The following CEP126 variants were observed in gnomAD, a reference collection of about 807,000 sequenced individuals.
The protein encoded by CEP126 is centrosomal protein of 126 kDa.
A neutral mutation model predicts 107.8 loss-of-function variants in CEP126; 74 were observed. That is an observed-to-expected ratio of 0.69 (90% CI 0.57 to 0.83). The LOEUF is 0.83. CEP126 is among the 40% of genes least tolerant of loss of function. The pLI, the probability that CEP126 is intolerant of heterozygous loss-of-function variation, is 0.00. For synonymous variants in CEP126, 449 were observed against 446.0 expected (o/e 1.01, Z -0.08); for missense variants, 1,237 against 1,281.9 (o/e 0.96, Z 0.53).
intron 6 of CEP126, among the ~76,000 whole-genome samples, chr11:101,970,518 C>T (rs1048389340): frequency 1.3e-5 from 2 of 149,884 alleles, no homozygotes; most frequent in African/African-American, 4.9e-5. Context: ...ATTCTCAATT[C>T]ATGCACTTTT....
At chr11:101,946,885 AAGG>A (rs1371273801) in intron 3 of CEP126, among the ~76,000 whole-genome samples, 2 of 152,196 alleles carry the variant, frequency 1.3e-5, no homozygotes, top group African/African-American at 4.8e-5. Flanking sequence ...GAGAGGCTAG[AAGG>A]AGAACAGTGC....
At chr11:101,941,273 T>G (rs1940660097) in intron 2 of CEP126, among the ~76,000 whole-genome samples, 1 of 152,194 alleles carries the variant, frequency 6.6e-6, no homozygotes, top group East Asian at 1.9e-4. Flanking sequence ...ACTGGAATTC[T>G]GTACCCATTA....
At chr11:101,958,844 C>T (rs1940934967) in intron 5 of CEP126, among the ~76,000 whole-genome samples, 1 of 152,144 alleles carries the variant, frequency 6.6e-6, no homozygotes, top group Non-Finnish European at 1.5e-5. Flanking sequence ...TAACATTGGC[C>T]TGATTCATCC....
At chr11:101,959,260 AG>A (rs757440293) in intron 5 of CEP126, among the ~76,000 whole-genome samples, 3,017 of 150,146 alleles carry the variant, frequency 0.02, 72 homozygotes, top group Non-Finnish European at 0.031. Context: ...AGGTTCAAGC[AG>A]TTCTCCTGCC....
At position 101,930,607 on chromosome 11, in the gene CEP126, G is replaced by A. The variant is rs1940484222; in HGVS notation, c.248+7847G>A. 3.3e-5 allele frequency among the ~76,000 whole-genome samples: 5 copies of A among 152,148 alleles called. No individual in the cohort carries two copies. The South Asian group carries it at 1.0e-3, about 32-fold the overall frequency. On this transcript the variant is annotated intron_variant, in intron 2 of 10. Coordinates refer to ENST00000263468, the MANE Select transcript of CEP126 (RefSeq NM_020802.4). Reference sequence around the variant, plus strand: ...CGGGTTGCCCCTGCTGGCTCTGGTGGCCAGCTTTTATCCCCTTATTTGGCC... The same window carrying A: ...CGGGTTGCCCCTGCTGGCTCTGGTGACCAGCTTTTATCCCCTTATTTGGCC...
intron 10 of CEP126, among the ~76,000 whole-genome samples, chr11:101,993,948 A>T (rs955123131): frequency 6.6e-6 from 1 of 152,076 alleles, no homozygotes; most frequent in Non-Finnish European, 1.5e-5. Context: ...GATTCTTGAT[A>T]TTAGGCCAGG....
intron 3 of CEP126, among the ~76,000 whole-genome samples, chr11:101,946,327 A>T (rs1363277608): frequency 6.6e-6 from 1 of 151,682 alleles, no homozygotes; most frequent in Non-Finnish European, 1.5e-5. Flanking sequence ...GGGCAACATG[A>T]TGAAACTCAA....
chr11:102,001,038 T>TA lies in CEP126; in HGVS notation c.*3400dup, dbSNP rs1001752593. Reference sequence around the variant, plus strand: ...ATTTCATGTAATTTACCCTTTGCAATAAAAATGATTCATTAAATATATAAC... The same window carrying TA: ...ATTTCATGTAATTTACCCTTTGCAATAAAAAATGATTCATTAAATATATAAC... On this transcript the variant is annotated 3_prime_UTR_variant, in exon 11 of 11. Coordinates refer to ENST00000263468, the MANE Select transcript of CEP126 (RefSeq NM_020802.4). 2.0e-5 allele frequency: 3 copies of TA among 152,186 alleles called. No homozygotes were observed. Among genetic ancestry groups the TA allele is most frequent in the Non-Finnish European group, 4.4e-5 (3 of 68,018 alleles). 9.4% of individuals were successfully genotyped at this position (152,186 alleles called of 1,614,324 possible).
chr11:101,981,694 A>G (rs1462732173), intron 7 of CEP126, among the ~76,000 whole-genome samples, 195 bp from the exon 8 acceptor site: 1 of 152,194 alleles, frequency 6.6e-6, no homozygotes, highest in African/African-American at 2.4e-5. Context: ...AACATTTTTC[A>G]TAATATTCCA....
intron 2 of CEP126, among the ~76,000 whole-genome samples, chr11:101,937,825 T>A (rs1940605148): frequency 6.6e-6 from 1 of 152,104 alleles, no homozygotes; most frequent in Non-Finnish European, 1.5e-5. Flanking sequence ...TATTTTCTTT[T>A]GTGTCGGTTT....
intron 2 of CEP126, among the ~76,000 whole-genome samples, chr11:101,935,307 C>T (rs1043728460): frequency 1.1e-4 from 17 of 151,874 alleles, no homozygotes; most frequent in African/African-American, 3.9e-4. Context: ...CTGTGGCTTA[C>T]CTTTTCATTT....
At chr11:101,989,210 A>G (rs1433317722) in intron 9 of CEP126, among the ~76,000 whole-genome samples, 1 of 152,088 alleles carries the variant, frequency 6.6e-6, no homozygotes, top group Non-Finnish European at 1.5e-5. Flanking sequence ...GATTCTGAAG[A>G]AAAAAAATAA....
At chr11:101,956,240 C>G in intron 4 of CEP126, 1 of 456,438 alleles carries the variant, frequency 2.2e-6, no homozygotes, top group Non-Finnish European at 4.4e-6. Context: ...AATGCCTACC[C>G]TTGTTCGTCG....
At chr11:101,982,470 T>C (rs1941267761) in intron 8 of CEP126, among the ~76,000 whole-genome samples, 1 of 152,196 alleles carries the variant, frequency 6.6e-6, no homozygotes, top group Non-Finnish European at 1.5e-5. Flanking sequence ...TTTTGATTTC[T>C]ATACCTTTCA....
intron 6 of CEP126, among the ~76,000 whole-genome samples, chr11:101,972,926 T>C (rs1278418695): frequency 1.3e-5 from 2 of 152,244 alleles, no homozygotes; most frequent in South Asian, 4.1e-4. Flanking sequence ...TTATTTTATC[T>C]GTGTTCTTCT....
At chr11:101,946,495 C>T (rs1940738338) in intron 3 of CEP126, among the ~76,000 whole-genome samples, 1 of 150,210 alleles carries the variant, frequency 6.7e-6, no homozygotes. Context: ...GCAACAGAAC[C>T]AGACCTTATC....
intron 1 of CEP126, 27 bp downstream of exon 1, chr11:101,915,439 G>C: frequency 6.3e-7 from 1 of 1,586,392 alleles, no homozygotes; most frequent in African/African-American, 1.3e-5. Flanking sequence ...GTGGCTGCCA[G>C]GGTAGCGATG....
At chr11:101,921,777 CTTTTTT>C (rs747642967) in intron 1 of CEP126, among the ~76,000 whole-genome samples, 3 of 55,004 alleles carry the variant, frequency 5.5e-5, no homozygotes, top group African/African-American at 7.3e-5. Flanking sequence ...TTCATGATTT[CTTTTTT>C]TTTTTTTTTT....
chr11:101,964,667 C>G (rs145213483), intron 6 of CEP126, among the ~76,000 whole-genome samples: 3,242 of 151,724 alleles, frequency 0.021, 36 homozygotes, highest in African/African-American at 0.029. Context: ...AACATTGTGA[C>G]GTTAGTAGCT....
Sources: gnomAD v4.1 joint callset for allele counts (sites outside exome capture counted in the v4.1 genomes callset) on GRCh38, gnomAD v4.1.1 for gene constraint, MANE v1.5 for transcripts, NCBI Gene and HGNC (gene_info 2026-07-23, HGNC 2026-07-21) for gene names.